Variants in NBEA observed in about 807,000 individuals in gnomAD.
NBEA encodes the protein neurobeachin.
Under a neutral mutation model 343.4 loss-of-function variants are expected in NBEA, and 44 were observed. The observed-to-expected ratio is 0.13, with a 90% confidence interval of 0.10 to 0.16. The LOEUF (loss-of-function observed/expected upper bound fraction) is 0.16. Among genes scored for constraint, NBEA ranks in the 10% least tolerant of loss-of-function variants. NBEA has a pLI of 1.00. For missense variants in NBEA, 2,555 were observed against 3,631.3 expected (o/e 0.70, Z 7.62); for synonymous variants, 1,175 against 1,238.7 (o/e 0.95, Z 1.08).
At chr13:34,968,599 A>G (rs995146546) in intron 1 of NBEA, among the ~76,000 whole-genome samples, 3 of 152,192 alleles carry the variant, frequency 2.0e-5, no homozygotes, top group Non-Finnish European at 2.9e-5. Context: ...GCCGTATAAT[A>G]AAACTTTATT....
At chr13:35,166,224 G>T (rs952668861) in intron 24 of NBEA, among the ~76,000 whole-genome samples, 2 of 152,188 alleles carry the variant, frequency 1.3e-5, no homozygotes, top group Non-Finnish European at 2.9e-5. Flanking sequence ...ATTTCAATTT[G>T]TATAGGTTTA....
chr13:34,968,441 C>A (rs1333989230), intron 1 of NBEA, among the ~76,000 whole-genome samples: 2 of 152,086 alleles, frequency 1.3e-5, no homozygotes, highest in Non-Finnish European at 1.5e-5. Flanking sequence ...TCAAAAGGGT[C>A]TTGTTATGAA....
At chr13:35,272,799 G>A (rs573878294) in intron 34 of NBEA, among the ~76,000 whole-genome samples, 1 of 151,980 alleles carries the variant, frequency 6.6e-6, no homozygotes, top group South Asian at 2.1e-4. Context: ...TTCAACAAGA[G>A]CTAACTATCC....
chr13:35,285,232 C>T (rs1427909539), intron 34 of NBEA, among the ~76,000 whole-genome samples: 1 of 152,110 alleles, frequency 6.6e-6, no homozygotes, highest in Non-Finnish European at 1.5e-5. Context: ...GAGTTCACAT[C>T]AGCTTGGGAA....
chr13:35,480,439 AG>A (rs2076078562), intron 41 of NBEA, among the ~76,000 whole-genome samples: 1 of 152,122 alleles, frequency 6.6e-6, no homozygotes, highest in East Asian at 1.9e-4. Flanking sequence ...TATCTGTTAA[AG>A]GATATGCACA....
At chr13:35,544,273 T>C (rs1331814382) in intron 41 of NBEA, among the ~76,000 whole-genome samples, 4 of 152,114 alleles carry the variant, frequency 2.6e-5, no homozygotes, top group Non-Finnish European at 4.4e-5. Flanking sequence ...GGAAACAAAA[T>C]TTAGATTTTT....
At chr13:35,064,850 A>G (rs2063592532) in intron 8 of NBEA, among the ~76,000 whole-genome samples, 1 of 151,750 alleles carries the variant, frequency 6.6e-6, no homozygotes, top group South Asian at 2.1e-4. Flanking sequence ...TCTCCAGAAG[A>G]AAACCCTGCT....
chr13:35,044,069 A>G (rs1348713873), intron 2 of NBEA, among the ~76,000 whole-genome samples: 1 of 152,138 alleles, frequency 6.6e-6, no homozygotes, highest in South Asian at 2.1e-4. Flanking sequence ...GCAATCAGAG[A>G]CAAGAGATTA....
rs934415668 is a variant in NBEA, at chr13:35,079,669, T to C, written c.1571+8817T>C. Among the ~76,000 whole-genome samples, 3 of 152,302 alleles carry C rather than the reference T, an allele frequency of 2.0e-5. No individual in the cohort carries two copies. In the South Asian group the frequency reaches 6.2e-4, roughly 32 times the overall value. On this transcript the variant is annotated intron_variant, in intron 10 of 58. Coordinates refer to ENST00000379939, the MANE Select transcript of NBEA (RefSeq NM_001385012.1). ...CCATATAGAATGCATGGATGGTATC[T>C]TTTTACCTAAGAAAGCACATATTCC...
At chr13:35,553,331 T>C (rs922613532) in intron 43 of NBEA, among the ~76,000 whole-genome samples, 1 of 152,160 alleles carries the variant, frequency 6.6e-6, no homozygotes, top group Non-Finnish European at 1.5e-5. Context: ...GCTCAACTAA[T>C]TATTAGTTTC....
At chr13:35,309,481 C>T in intron 35 of NBEA, 47 bp from the exon 36 acceptor site, 3 of 1,069,688 alleles carry the variant, frequency 2.8e-6, no homozygotes, top group Non-Finnish European at 4.2e-6. Context: ...AAGTTACTTT[C>T]ATTAAGTGTT....
intron 38 of NBEA, among the ~76,000 whole-genome samples, chr13:35,368,827 T>C (rs2152881292): frequency 6.6e-6 from 1 of 151,864 alleles, no homozygotes; most frequent in South Asian, 2.1e-4. Context: ...TTGTTAATGA[T>C]ATAAAAATAT....
intron 14 of NBEA, among the ~76,000 whole-genome samples, chr13:35,117,905 G>A (rs1242266446): frequency 6.6e-6 from 1 of 151,914 alleles, no homozygotes; most frequent in Non-Finnish European, 1.5e-5. Context: ...ATACTGTATA[G>A]TCTTGCATTT....
chr13:35,621,516 T>A (rs1216819019), intron 48 of NBEA, among the ~76,000 whole-genome samples: 1 of 152,178 alleles, frequency 6.6e-6, no homozygotes, highest in Non-Finnish European at 1.5e-5. Flanking sequence ...TGACACACCC[T>A]GTATCTTACT....
chr13:35,446,035 C>T (rs1422758619), intron 39 of NBEA, among the ~76,000 whole-genome samples: 5 of 149,912 alleles, frequency 3.3e-5, no homozygotes, highest in Non-Finnish European at 5.9e-5. Context: ...TCTCATTGTT[C>T]AATTCCCACC....
intron 36 of NBEA, among the ~76,000 whole-genome samples, chr13:35,344,927 C>A (rs971188996): frequency 2.4e-4 from 36 of 152,022 alleles, no homozygotes; most frequent in African/African-American, 8.7e-4. Flanking sequence ...TAAGAGCAAA[C>A]AAGGAAAATC....
At chr13:35,404,615 A>AG (rs1046944916) in intron 38 of NBEA, among the ~76,000 whole-genome samples, 1 of 73,406 alleles carries the variant, frequency 1.4e-5, no homozygotes, top group African/African-American at 5.6e-5. Context: ...GGGTGGGGGG[A>AG]GGGGGGAGGG....
intron 14 of NBEA, 26 bp downstream of exon 14, chr13:35,117,519 A>G: frequency 9.2e-7 from 1 of 1,091,648 alleles, no homozygotes; most frequent in Non-Finnish European, 1.2e-6. Context: ...ATAATTTAAA[A>G]TAATAGTATA....
chr13:35,183,216 T>G (rs1363539507), intron 29 of NBEA, among the ~76,000 whole-genome samples: 2 of 152,170 alleles, frequency 1.3e-5, no homozygotes, highest in South Asian at 4.1e-4. Flanking sequence ...CATTTTAATA[T>G]TGGACACCTT....
Sources: gnomAD v4.1 joint callset for allele counts (sites outside exome capture counted in the v4.1 genomes callset) on GRCh38, gnomAD v4.1.1 for gene constraint, MANE v1.5 for transcripts, NCBI Gene and HGNC (gene_info 2026-07-23, HGNC 2026-07-21) for gene names.